MYO5A: variants seen among roughly 807,000 people sequenced by gnomAD.
The protein encoded by MYO5A is unconventional myosin-Va.
MYO5A carries 98 observed loss-of-function variants against 249.7 expected under a neutral mutation model. The ratio of observed to expected loss-of-function variants is 0.39; its 90% confidence interval spans 0.33 to 0.46. MYO5A has a LOEUF of 0.46. Among genes scored for constraint, MYO5A ranks in the 20% least tolerant of loss-of-function variants. The pLI is 0.98. For missense variants in MYO5A, 1,696 were observed against 2,308.8 expected, an observed-to-expected ratio of 0.73 and a Z score of 5.44; for synonymous variants, 778 against 810.6, an observed-to-expected ratio of 0.96 and a Z score of 0.68.
chr15:52,395,107 A>G (rs1019525784), intron 11 of MYO5A, among the ~76,000 whole-genome samples: 2 of 152,092 alleles, frequency 1.3e-5, no homozygotes, highest in Non-Finnish European at 2.9e-5. Context: ...CCCAACCCCA[A>G]TCTCGCTCCC....
At chr15:52,359,802 AC>A (rs1298080896) in intron 25 of MYO5A, among the ~76,000 whole-genome samples, 165 bp downstream of exon 25, 2 of 152,368 alleles carry the variant, frequency 1.3e-5, no homozygotes, top group Admixed American at 1.3e-4. Flanking sequence ...ACTTAAGTAT[AC>A]AAAAATGTAA....
chr15:52,349,094 T>G (rs2039810846), intron 28 of MYO5A, among the ~76,000 whole-genome samples: 1 of 152,218 alleles, frequency 6.6e-6, no homozygotes, highest in South Asian at 2.1e-4. Flanking sequence ...TTGATTTTTC[T>G]GGTTATAAAA....
chr15:52,326,078 C>T (rs62015997), intron 36 of MYO5A, among the ~76,000 whole-genome samples: 8,584 of 152,136 alleles, frequency 0.056, 285 homozygotes, highest in South Asian at 0.094. Context: ...TGCTTAGGGC[C>T]GATGGCAAAA....
intron 25 of MYO5A, among the ~76,000 whole-genome samples, chr15:52,358,418 T>C (rs2040355242): frequency 6.6e-6 from 1 of 152,212 alleles, no homozygotes; most frequent in Non-Finnish European, 1.5e-5. Flanking sequence ...AAGTCTAACT[T>C]TGTGGTATTC....
chr15:52,421,537 C>T (rs1595648857), intron 4 of MYO5A, among the ~76,000 whole-genome samples: 2 of 152,016 alleles, frequency 1.3e-5, no homozygotes, highest in African/African-American at 4.8e-5. Context: ...GAAATAGTAA[C>T]ACCAAGAGGT....
In MYO5A at chr15:52,367,044, A is replaced by C. The variant is rs1209714771; in HGVS notation, c.3147T>G (p.Ala1049=). ...TATAAGCTTTACCTGTCATCTCCTT[A>C]GCCTGCTGCACGATGCGGTGATTGA... The part of the protein sequence containing the change: ...EALNHRIVQQ[A]KEMTETMEKK... Residue 1049 remains alanine, a synonymous_variant, in exon 23 of 42, where the codon GCT becomes GCG. Transcript: ENST00000399233. The C allele has an allele frequency of 6.2e-7, 1 of 1,613,800 alleles. No individual in the cohort carries two copies. Among genetic ancestry groups the C allele is most frequent in the Non-Finnish European group, 8.5e-7 (1 of 1,179,748 alleles).
chr15:52,468,113 G>A (rs2076387374), intron 1 of MYO5A, among the ~76,000 whole-genome samples: 1 of 152,190 alleles, frequency 6.6e-6, no homozygotes, highest in East Asian at 1.9e-4. Flanking sequence ...ACTTTGAGAA[G>A]CTGAGGCATG....
At position 52,400,975 on chromosome 15, in the gene MYO5A, C is replaced by T. The variant is rs147287626; in HGVS notation, c.1054-3509G>A. Among the ~76,000 whole-genome samples the T allele has an allele frequency of 4.4e-4, 67 of 151,890 alleles. 1 individual carries two copies. The East Asian group carries it at 7.1e-3, about 16-fold the overall frequency. On this transcript the variant is annotated intron_variant, in intron 9 of 41. Coordinates refer to ENST00000399233, the MANE Select transcript of MYO5A (RefSeq NM_001382347.1). ...GTTCATTTCTTCTTGCATCTTAGAT[C>T]TTCTAACTGGGATCACTTTCCTTCT...
chr15:52,346,466 G>A lies in MYO5A; in HGVS notation c.3859-5C>T, dbSNP rs1283714487. 20 of 1,534,302 alleles carry A rather than the reference G, an allele frequency of 1.3e-5. No homozygotes were observed. The highest frequency in any genetic ancestry group is 1.8e-5 in the Non-Finnish European group (20 of 1,108,472). On this transcript the variant is annotated splice_region_variant and splice_polypyrimidine_tract_variant and intron_variant, in intron 29 of 41. Coordinates refer to ENST00000399233, the MANE Select transcript of MYO5A (RefSeq NM_001382347.1). ...TGTGGAATCTGTCATTGTATTCTGA[G>A]AGGGAAATAACACATTTACGCATTA...
intron 14 of MYO5A, among the ~76,000 whole-genome samples, chr15:52,385,755 T>C (rs1239711468): frequency 1.3e-5 from 2 of 152,202 alleles, no homozygotes; most frequent in Admixed American, 6.5e-5. Flanking sequence ...ATTTACACTA[T>C]GTGATACTGG....
At chr15:52,372,733 T>C (rs1024869039) in intron 20 of MYO5A, among the ~76,000 whole-genome samples, 1 of 152,210 alleles carries the variant, frequency 6.6e-6, no homozygotes, top group Non-Finnish European at 1.5e-5. Context: ...TTCTTATTAG[T>C]ATATGATTTC....
At position 52,517,052 on chromosome 15, in the gene MYO5A, T is replaced by C. The variant is rs575623064; in HGVS notation, c.27+11728A>G. ...AGGTTAAATTTTTGAAATGAACTTATATGTTTCTAGTCTAAGAAAATTTCT... is the reference window on the plus strand; with the variant it reads ...AGGTTAAATTTTTGAAATGAACTTACATGTTTCTAGTCTAAGAAAATTTCT... On this transcript the variant is annotated intron_variant, in intron 1 of 41. Coordinates refer to ENST00000399233, the MANE Select transcript of MYO5A (RefSeq NM_001382347.1). Among the ~76,000 whole-genome samples, 7 of 152,316 alleles carry C rather than the reference T, an allele frequency of 4.6e-5. No individual in the cohort carries two copies. In the South Asian group the frequency reaches 1.2e-3, roughly 27 times the overall value.
intron 9 of MYO5A, among the ~76,000 whole-genome samples, chr15:52,405,049 TGTCACACACACACACACA>T (rs1390200077): frequency 6.0e-5 from 6 of 100,792 alleles, no homozygotes; most frequent in African/African-American, 2.4e-4. Flanking sequence ...TCTCTCTCTC[TGTCACACACACACACACA>T]CACACACACA....
chr15:52,449,113 C>T (rs1013966325), intron 1 of MYO5A, among the ~76,000 whole-genome samples: 5 of 151,792 alleles, frequency 3.3e-5, no homozygotes, highest in Admixed American at 2.0e-4. Context: ...GGATTACAGG[C>T]ACGTGCCACC....
intron 25 of MYO5A, among the ~76,000 whole-genome samples, chr15:52,359,283 G>T (rs1416863807): frequency 6.6e-6 from 1 of 152,130 alleles, no homozygotes; most frequent in African/African-American, 2.4e-5. Flanking sequence ...GGACAGTTGT[G>T]CCTGAATTAC....
chr15:52,345,303 CG>C (rs571917200), intron 30 of MYO5A, among the ~76,000 whole-genome samples: 1 of 152,122 alleles, frequency 6.6e-6, no homozygotes, highest in African/African-American at 2.4e-5. Context: ...ATGATAGGGC[CG>C]GGCGCAGTGG....
At chr15:52,359,773 AG>A (rs1414945927) in intron 25 of MYO5A, among the ~76,000 whole-genome samples, 194 bp downstream of exon 25, 2 of 152,268 alleles carry the variant, frequency 1.3e-5, no homozygotes, top group Non-Finnish European at 2.9e-5. Context: ...AAAATGCAAT[AG>A]GTATGTATGT....
chr15:52,499,831 T>A (rs1224999886), intron 1 of MYO5A, among the ~76,000 whole-genome samples: 1 of 152,184 alleles, frequency 6.6e-6, no homozygotes, highest in East Asian at 1.9e-4. Context: ...TGCTTTGAAT[T>A]CTTTTGGGTA....
chr15:52,404,784 G>T (rs1490342448), intron 9 of MYO5A, among the ~76,000 whole-genome samples: 1 of 152,152 alleles, frequency 6.6e-6, no homozygotes, highest in East Asian at 1.9e-4. Flanking sequence ...CATGGAAATG[G>T]CTGGATGTAG....
Sources: gnomAD v4.1 joint callset for allele counts (sites outside exome capture counted in the v4.1 genomes callset) on GRCh38, gnomAD v4.1.1 for gene constraint, MANE v1.5 for transcripts, NCBI Gene and HGNC (gene_info 2026-07-23, HGNC 2026-07-21) for gene names.